B3GLCT: variants seen among roughly 807,000 people sequenced by gnomAD.
The protein encoded by B3GLCT is beta 3-glucosyltransferase.
In B3GLCT, 65 loss-of-function variants were observed where a neutral mutation model predicts 63.4. That is an observed-to-expected ratio of 1.03 (90% CI 0.84 to 1.26). The LOEUF is 1.26. B3GLCT is among the 50% of genes most tolerant of loss of function. B3GLCT has a pLI of 0.00. For synonymous variants in B3GLCT, 233 were observed against 219.2 expected, an observed-to-expected ratio of 1.06 and a Z score of -0.55; for missense variants, 577 against 604.8, an observed-to-expected ratio of 0.95 and a Z score of 0.48.
intron 4 of B3GLCT, among the ~76,000 whole-genome samples, chr13:31,232,416 G>A (rs1301818939): frequency 2.2e-5 from 2 of 89,642 alleles, no homozygotes; most frequent in Non-Finnish European, 6.2e-5. Context: ...TGGAGCAGGA[G>A]GGTTAGAGAG....
intron 9 of B3GLCT, among the ~76,000 whole-genome samples, chr13:31,276,436 A>G (rs1012572597): frequency 6.6e-6 from 1 of 152,042 alleles, no homozygotes; most frequent in Non-Finnish European, 1.5e-5. Context: ...TTTTTTTTCT[A>G]AACAAGCAGA....
intron 6 of B3GLCT, among the ~76,000 whole-genome samples, chr13:31,255,458 T>C (rs2137820942): frequency 6.6e-6 from 1 of 152,244 alleles, no homozygotes; most frequent in Non-Finnish European, 1.5e-5. Context: ...CTACTTTAAA[T>C]TTCATGTGGA....
intron 10 of B3GLCT, among the ~76,000 whole-genome samples, chr13:31,277,915 G>A (rs1316207498): frequency 1.3e-5 from 2 of 152,068 alleles, no homozygotes; most frequent in African/African-American, 4.8e-5. Context: ...AATCAGTATA[G>A]CAGTTAAAAT....
chr13:31,237,358 T>TC (rs1408257009), intron 4 of B3GLCT, among the ~76,000 whole-genome samples: 1 of 149,456 alleles, frequency 6.7e-6, no homozygotes. Flanking sequence ...AGGCTGTTTT[T>TC]TTTTTTTTTT....
rs566062044 is a variant in B3GLCT, at chr13:31,206,523, G to A, written c.70+6369G>A. Among the ~76,000 whole-genome samples the A allele has an allele frequency of 2.7e-5, 4 of 150,642 alleles. No individual in the cohort carries two copies. In the South Asian group the frequency reaches 8.4e-4, roughly 32 times the overall value. ...TGGGAGGCTGAGGTGGGCGGATCAC[G>A]AGGTCAGGGGTTCGAGACCAGCCTG... On this transcript the variant is annotated intron_variant, in intron 1 of 14. Coordinates refer to ENST00000343307, the MANE Select transcript of B3GLCT (RefSeq NM_194318.4).
chr13:31,235,380 T>C (rs1593263066), intron 4 of B3GLCT, among the ~76,000 whole-genome samples: 1 of 152,018 alleles, frequency 6.6e-6, no homozygotes, highest in Non-Finnish European at 1.5e-5. Flanking sequence ...AGCTTGAAGG[T>C]GCTGCTTCCA....
chr13:31,219,698 G>A (rs1265498841), intron 2 of B3GLCT, among the ~76,000 whole-genome samples: 1 of 152,180 alleles, frequency 6.6e-6, no homozygotes, highest in Non-Finnish European at 1.5e-5. Context: ...AAGTGTGCCT[G>A]TTTATAGCTT....
At chr13:31,208,169 C>T (rs1274639674) in intron 1 of B3GLCT, among the ~76,000 whole-genome samples, 1 of 152,130 alleles carries the variant, frequency 6.6e-6, no homozygotes, top group Non-Finnish European at 1.5e-5. Flanking sequence ...AGGGCCCCGG[C>T]CCGGGTCTCC....
intron 12 of B3GLCT, among the ~76,000 whole-genome samples, chr13:31,289,288 G>A (rs1475390660): frequency 6.6e-6 from 1 of 152,110 alleles, no homozygotes. Context: ...CAATATTTTT[G>A]AGGGGGAAGA....
intron 12 of B3GLCT, among the ~76,000 whole-genome samples, chr13:31,309,808 T>C (rs1874612208): frequency 6.6e-6 from 1 of 152,176 alleles, no homozygotes; most frequent in African/African-American, 2.4e-5. Context: ...CATTTAAAAA[T>C]GTGATTGAAC....
intron 2 of B3GLCT, among the ~76,000 whole-genome samples, chr13:31,217,256 G>A (rs1480672158): frequency 6.6e-6 from 1 of 152,188 alleles, no homozygotes; most frequent in Non-Finnish European, 1.5e-5. Flanking sequence ...CTTTTGAGAA[G>A]TGTCTGTTCA....
intron 12 of B3GLCT, among the ~76,000 whole-genome samples, chr13:31,297,840 T>G (rs1874034998): frequency 6.6e-6 from 1 of 152,148 alleles, no homozygotes; most frequent in African/African-American, 2.4e-5. Context: ...TTTCTCACAT[T>G]TACCAGTTTA....
intron 10 of B3GLCT, among the ~76,000 whole-genome samples, chr13:31,281,101 A>G (rs1487363285): frequency 2.0e-5 from 3 of 152,144 alleles, no homozygotes; most frequent in Non-Finnish European, 2.9e-5. Flanking sequence ...CAGTTTGTGT[A>G]CATGTCTCAT....
At chr13:31,278,753 T>G (rs555753498) in intron 10 of B3GLCT, among the ~76,000 whole-genome samples, 126 of 152,370 alleles carry the variant, frequency 8.3e-4, no homozygotes, top group Admixed American at 9.8e-4. Flanking sequence ...TAATACCAGT[T>G]ACAAGGATAA....
intron 10 of B3GLCT, among the ~76,000 whole-genome samples, chr13:31,281,210 C>T (rs1001987667): frequency 2.0e-5 from 3 of 152,134 alleles, no homozygotes; most frequent in East Asian, 1.9e-4. Context: ...TTGCCGTTTG[C>T]TCAGCCTTTA....
intron 7 of B3GLCT, among the ~76,000 whole-genome samples, chr13:31,265,898 A>C (rs1872276255): frequency 1.3e-5 from 2 of 152,212 alleles, no homozygotes; most frequent in Admixed American, 6.5e-5. Flanking sequence ...AGTAGAATTG[A>C]AAAAGTCAGC....
chr13:31,315,230 C>G (rs1359920468), intron 12 of B3GLCT, among the ~76,000 whole-genome samples: 1 of 152,140 alleles, frequency 6.6e-6, no homozygotes, highest in Non-Finnish European at 1.5e-5. Context: ...GAGGTTGGAA[C>G]AGTTTGGAGA....
chr13:31,310,816 G>T (rs997443460), intron 12 of B3GLCT, among the ~76,000 whole-genome samples: 5 of 152,218 alleles, frequency 3.3e-5, no homozygotes, highest in Non-Finnish European at 7.3e-5. Flanking sequence ...AAGTTTTCAG[G>T]CTCTGCTGCA....
intron 12 of B3GLCT, among the ~76,000 whole-genome samples, chr13:31,287,919 C>T (rs912559043): frequency 6.6e-6 from 1 of 151,992 alleles, no homozygotes; most frequent in Admixed American, 6.6e-5. Flanking sequence ...TCAGTGAACT[C>T]GAAGACATTG....
Sources: gnomAD v4.1 joint callset for allele counts (sites outside exome capture counted in the v4.1 genomes callset) on GRCh38, gnomAD v4.1.1 for gene constraint, MANE v1.5 for transcripts, NCBI Gene and HGNC (gene_info 2026-07-23, HGNC 2026-07-21) for gene names.